The following KLHL1 variants were observed in gnomAD, a reference collection of about 807,000 sequenced individuals.
KLHL1 encodes the protein kelch-like protein 1.
Under a neutral mutation model 77.7 loss-of-function variants are expected in KLHL1, and 47 were observed. The observed-to-expected ratio is 0.60, with a 90% CI of 0.48 to 0.77. KLHL1 has a LOEUF of 0.77. Among genes scored for constraint, KLHL1 ranks in the 30% least tolerant of loss-of-function variants. The pLI is 0.00. For missense variants in KLHL1, 925 were observed against 910.8 expected, an observed-to-expected ratio of 1.02 and a Z score of -0.20; for synonymous variants, 360 against 325.2, an observed-to-expected ratio of 1.11 and a Z score of -1.15.
chr13:69,903,026 A>G (rs1001539235), intron 4 of KLHL1, among the ~76,000 whole-genome samples: 4 of 152,178 alleles, frequency 2.6e-5, no homozygotes, highest in African/African-American at 9.7e-5. Flanking sequence ...TTTAAAAGCA[A>G]CAAGTCTTAT....
chr13:69,809,072 A>T (rs2138058909), intron 6 of KLHL1, among the ~76,000 whole-genome samples: 1 of 152,272 alleles, frequency 6.6e-6, no homozygotes, highest in East Asian at 1.9e-4. Context: ...CATGTAAAAC[A>T]ACAAAATCTA....
intron 5 of KLHL1, among the ~76,000 whole-genome samples, chr13:69,848,042 G>A (rs1467574472): frequency 1.3e-5 from 2 of 151,552 alleles, no homozygotes; most frequent in Non-Finnish European, 3.0e-5. Context: ...TATTTAAGGT[G>A]CTGGTGAAAG....
At chr13:69,872,462 G>A (rs1880619969) in intron 5 of KLHL1, among the ~76,000 whole-genome samples, 1 of 152,060 alleles carries the variant, frequency 6.6e-6, no homozygotes, top group Admixed American at 6.6e-5. Flanking sequence ...CCATGCCAAA[G>A]TCTCCACCCT....
chr13:69,975,044 G>T (rs1361890446), intron 2 of KLHL1, among the ~76,000 whole-genome samples: 2 of 151,888 alleles, frequency 1.3e-5, no homozygotes, highest in Non-Finnish European at 2.9e-5. Flanking sequence ...TATCATGGTA[G>T]AAATACAGCC....
chr13:69,777,013 G>A (rs888823141), intron 7 of KLHL1, among the ~76,000 whole-genome samples: 20 of 151,694 alleles, frequency 1.3e-4, no homozygotes, highest in Admixed American at 3.3e-4. Flanking sequence ...TAATCCCCAC[G>A]TGTCATGGGT....
chr13:69,718,189 C>T (rs1220645260), intron 9 of KLHL1, among the ~76,000 whole-genome samples: 2 of 152,114 alleles, frequency 1.3e-5, no homozygotes, highest in East Asian at 3.9e-4. Flanking sequence ...AATTTTTCTG[C>T]TGTCAGTGCT....
chr13:69,990,202 C>A (rs114920434), intron 1 of KLHL1, among the ~76,000 whole-genome samples: 2,580 of 151,976 alleles, frequency 0.017, 67 homozygotes, highest in African/African-American at 0.058. Flanking sequence ...AGACCATTAC[C>A]AGCCACTATG....
chr13:69,796,617 T>A, intron 7 of KLHL1, 121 bp downstream of exon 7: 1 of 736,530 alleles, frequency 1.4e-6, no homozygotes, highest in East Asian at 2.7e-5. Flanking sequence ...TTACCCAGGT[T>A]CAGGTATTCC....
chr13:69,746,402 C>T (rs563698053), intron 7 of KLHL1, among the ~76,000 whole-genome samples: 1 of 151,922 alleles, frequency 6.6e-6, no homozygotes, highest in South Asian at 2.1e-4. Flanking sequence ...GTAATGCTTA[C>T]TGCTCTAAAG....
intron 5 of KLHL1, among the ~76,000 whole-genome samples, chr13:69,839,699 T>C (rs1566311570): frequency 6.6e-6 from 1 of 151,984 alleles, no homozygotes; most frequent in South Asian, 2.1e-4. Flanking sequence ...AGTTGTGTAT[T>C]AGGCAAAGTA....
At chr13:70,072,527 G>A (rs937858022) in intron 1 of KLHL1, among the ~76,000 whole-genome samples, 2 of 152,106 alleles carry the variant, frequency 1.3e-5, no homozygotes, top group African/African-American at 4.8e-5. Context: ...TTGTAGATAT[G>A]TGCGAAATCC....
At chr13:69,800,461 T>C (rs749585977) in intron 6 of KLHL1, among the ~76,000 whole-genome samples, 1 of 152,206 alleles carries the variant, frequency 6.6e-6, no homozygotes, top group East Asian at 1.9e-4. Context: ...AGTTAAGCAA[T>C]ACAAAATGAA....
intron 1 of KLHL1, among the ~76,000 whole-genome samples, chr13:70,044,904 G>T (rs1326086378): frequency 6.6e-6 from 1 of 152,132 alleles, no homozygotes; most frequent in Non-Finnish European, 1.5e-5. Flanking sequence ...ATGGACTCCT[G>T]GGCTCTGTTT....
chr13:69,745,184 A>G (rs916118530), intron 7 of KLHL1, among the ~76,000 whole-genome samples: 4 of 151,924 alleles, frequency 2.6e-5, no homozygotes, highest in African/African-American at 9.7e-5. Flanking sequence ...TCATTCTGTT[A>G]GTTTTCACCA....
intron 4 of KLHL1, among the ~76,000 whole-genome samples, chr13:69,896,915 C>A (rs1881666679): frequency 6.6e-6 from 1 of 151,984 alleles, no homozygotes; most frequent in Admixed American, 6.6e-5. Context: ...CATGATCCGC[C>A]CGCCTCAGCC....
chr13:70,035,542 A>G (rs1481074699), intron 1 of KLHL1, among the ~76,000 whole-genome samples: 1 of 152,074 alleles, frequency 6.6e-6, no homozygotes, highest in Non-Finnish European at 1.5e-5. Flanking sequence ...AACAAACTAA[A>G]TAAGATAATT....
chr13:69,817,587 T>G (rs1476681016), intron 6 of KLHL1, among the ~76,000 whole-genome samples: 1 of 152,232 alleles, frequency 6.6e-6, no homozygotes. Flanking sequence ...ATCATAGAAG[T>G]AATTTAATTT....
chr13:69,775,220 T>G (rs2137990291), intron 7 of KLHL1, among the ~76,000 whole-genome samples: 1 of 152,270 alleles, frequency 6.6e-6, no homozygotes, highest in South Asian at 2.1e-4. Context: ...TTGGAAAGTT[T>G]GCTACCTTTC....
At chr13:69,816,132 AT>A (rs1469348103) in intron 6 of KLHL1, among the ~76,000 whole-genome samples, 1 of 152,060 alleles carries the variant, frequency 6.6e-6, no homozygotes, top group Non-Finnish European at 1.5e-5. Flanking sequence ...TTTTCAGTAG[AT>A]TAGAAGATAT....
Sources: gnomAD v4.1 joint callset for allele counts (sites outside exome capture counted in the v4.1 genomes callset) on GRCh38, gnomAD v4.1.1 for gene constraint, MANE v1.5 for transcripts, NCBI Gene and HGNC (gene_info 2026-07-23, HGNC 2026-07-21) for gene names.